Variants in ADAM12 observed in about 807,000 individuals in gnomAD.
ADAM12 encodes disintegrin and metalloproteinase domain-containing protein 12.
Under a neutral mutation model 106.4 loss-of-function variants are expected in ADAM12, and 70 were observed. That is an observed-to-expected ratio of 0.66 (90% CI 0.54 to 0.80). The LOEUF is 0.80. Among genes scored for constraint, ADAM12 ranks in the 30% least tolerant of loss-of-function variants. The pLI, the probability that ADAM12 is intolerant of heterozygous loss-of-function variation, is 0.00. For missense variants in ADAM12, 1,010 were observed against 1,171.9 expected, an observed-to-expected ratio of 0.86 and a Z score of 2.02; for synonymous variants, 420 against 433.5, an observed-to-expected ratio of 0.97 and a Z score of 0.39.
chr10:126,111,969 G>A (rs912157162), intron 6 of ADAM12, among the ~76,000 whole-genome samples: 4 of 152,142 alleles, frequency 2.6e-5, no homozygotes, highest in African/African-American at 9.7e-5. Flanking sequence ...ATTTGAAACT[G>A]GTTGCTGAAG....
chr10:126,199,174 T>A (rs1305076541), intron 3 of ADAM12, among the ~76,000 whole-genome samples: 1 of 152,182 alleles, frequency 6.6e-6, no homozygotes, highest in Non-Finnish European at 1.5e-5. Flanking sequence ...ACCACCTGAA[T>A]GAAGGTTTCG....
intron 2 of ADAM12, among the ~76,000 whole-genome samples, chr10:126,284,690 G>C (rs1959761292): frequency 6.6e-6 from 1 of 152,190 alleles, no homozygotes; most frequent in African/African-American, 2.4e-5. Flanking sequence ...GGATGACTTG[G>C]TTTCCATTCT....
intron 1 of ADAM12, among the ~76,000 whole-genome samples, chr10:126,367,099 C>T (rs1412072283): frequency 3.3e-5 from 5 of 151,990 alleles, no homozygotes; most frequent in Non-Finnish European, 7.4e-5. Flanking sequence ...ATTACCCTAT[C>T]CAACAACAGC....
intron 2 of ADAM12, among the ~76,000 whole-genome samples, chr10:126,290,711 A>G (rs550168092): frequency 1.3e-5 from 2 of 152,324 alleles, no homozygotes; most frequent in African/African-American, 4.8e-5. Context: ...AAATTTTTCA[A>G]AAAGGAATAT....
chr10:126,330,424 G>A lies in ADAM12; in HGVS notation c.174C>T (p.Ser58=). 1 of 1,612,866 alleles carries A rather than the reference G, an allele frequency of 6.2e-7. No individual in the cohort carries two copies. Among genetic ancestry groups the A allele is most frequent in the South Asian group, 1.1e-5 (1 of 90,902 alleles). The part of the protein sequence containing the change: ...GSGDLWIPVK[S]FDSKNHPEVL... ...GAGAGGAACTCACCTTGGAGTCGAA[G>A]CTCTTCACTGGGATCCAGAGGTCCC... The change falls in exon 2 of 23, where the codon AGC becomes AGT. Residue 58 remains serine, a synonymous_variant. Coordinates refer to ENST00000448723, the MANE Select transcript of ADAM12 (RefSeq NM_001288973.2).
chr10:126,312,966 G>T (rs1301397515), intron 2 of ADAM12, among the ~76,000 whole-genome samples: 1 of 152,184 alleles, frequency 6.6e-6, no homozygotes, highest in Non-Finnish European at 1.5e-5. Context: ...TTACTTACTT[G>T]CATAAATTAG....
At chr10:126,144,619 G>C (rs1056683094) in intron 4 of ADAM12, among the ~76,000 whole-genome samples, 3 of 152,164 alleles carry the variant, frequency 2.0e-5, no homozygotes, top group Admixed American at 6.5e-5. Context: ...ATGCACACGG[G>C]GGGGTTAGCA....
rs535494113 is a variant in ADAM12, at chr10:126,281,343, G to T, written c.187-2355C>A. On this transcript the variant is annotated intron_variant, in intron 2 of 22. Transcript: ENST00000448723. ...TGTTTGCCTAAGATATCAATGCACA[G>T]ATCACATACCTTAAATGGAAATCCT... 2.0e-5 allele frequency among the ~76,000 whole-genome samples: 3 copies of T among 152,222 alleles called. No homozygotes were observed. In the South Asian group the frequency reaches 6.2e-4, roughly 32 times the overall value.
rs1475245062 is a variant in ADAM12 at position 126,015,511 on chromosome 10, T to C, written c.*1768A>G. The C allele has an allele frequency of 6.6e-6, 1 of 152,238 alleles. No homozygotes were observed. Among genetic ancestry groups the C allele is most frequent in the Non-Finnish European group, 1.5e-5 (1 of 68,028 alleles). 9.4% of individuals were successfully genotyped at this position (152,238 alleles called of 1,614,324 possible). On this transcript the variant is annotated 3_prime_UTR_variant, in exon 23 of 23. Coordinates refer to ENST00000448723, the MANE Select transcript of ADAM12 (RefSeq NM_001288973.2). ...TTTAAAGAACTTAATAACTATAGAA[T>C]AAACAGATGCATGCTATACGAGTTG...
chr10:126,358,835 T>C (rs768933131), intron 1 of ADAM12, among the ~76,000 whole-genome samples: 1 of 152,144 alleles, frequency 6.6e-6, no homozygotes, highest in Non-Finnish European at 1.5e-5. Context: ...ATCAGTAGCA[T>C]TTCTATATAC....
chr10:126,109,188 C>G (rs1414405248), intron 7 of ADAM12, among the ~76,000 whole-genome samples: 1 of 152,202 alleles, frequency 6.6e-6, no homozygotes, highest in African/African-American at 2.4e-5. Context: ...AAGCCTGTTT[C>G]ATTCATAGGT....
intron 2 of ADAM12, among the ~76,000 whole-genome samples, chr10:126,297,434 G>A (rs962094851): frequency 2.6e-5 from 4 of 152,008 alleles, no homozygotes; most frequent in Non-Finnish European, 4.4e-5. Context: ...CTATAGTCTC[G>A]GCTACTCAGG....
chr10:126,032,866 T>C (rs1449478709), intron 21 of ADAM12, among the ~76,000 whole-genome samples: 1 of 152,126 alleles, frequency 6.6e-6, no homozygotes, highest in Non-Finnish European at 1.5e-5. Flanking sequence ...GAAGAAATTA[T>C]ATATGGACTT....
intron 3 of ADAM12, among the ~76,000 whole-genome samples, chr10:126,211,459 ATCCTGGACCTGCCAGTAGCCATCTCTGCC>A (rs959362489): frequency 1.3e-5 from 2 of 152,168 alleles, no homozygotes; most frequent in Non-Finnish European, 2.9e-5. Context: ...GAACCATGGG[ATCCTGGACCTGCCAGTAGCCATCTCTGCC>A]TCCTGGACCA....
intron 11 of ADAM12, among the ~76,000 whole-genome samples, chr10:126,076,823 T>C (rs1217940402): frequency 6.6e-6 from 1 of 152,194 alleles, no homozygotes; most frequent in Non-Finnish European, 1.5e-5. Context: ...GGTAATTTCT[T>C]TGGCTGTGCA....
At chr10:126,320,610 C>T (rs1854062108) in intron 2 of ADAM12, among the ~76,000 whole-genome samples, 2 of 152,302 alleles carry the variant, frequency 1.3e-5, no homozygotes, top group Non-Finnish European at 2.9e-5. Flanking sequence ...ACAGTAAACA[C>T]GTAGATGAAG....
chr10:126,285,165 C>T (rs1219285077), intron 2 of ADAM12, among the ~76,000 whole-genome samples: 3 of 152,160 alleles, frequency 2.0e-5, no homozygotes, highest in Non-Finnish European at 2.9e-5. Flanking sequence ...GAGGAAAGGA[C>T]CACTTCCTAT....
At chr10:126,241,021 A>T (rs1554993179) in intron 3 of ADAM12, among the ~76,000 whole-genome samples, 1 of 152,218 alleles carries the variant, frequency 6.6e-6, no homozygotes, top group Non-Finnish European at 1.5e-5. Flanking sequence ...GTCTTAATGG[A>T]ATGTGTTCCA....
chr10:126,366,612 A>G (rs1018723163), intron 1 of ADAM12, among the ~76,000 whole-genome samples: 3 of 152,104 alleles, frequency 2.0e-5, no homozygotes, highest in Non-Finnish European at 4.4e-5. Context: ...AAATATTTCA[A>G]TTAAAAGGTA....
Sources: allele counts gnomAD v4.1 joint callset (sites outside exome capture counted in the v4.1 genomes callset), GRCh38; gene constraint gnomAD v4.1.1; transcripts MANE v1.5; gene names NCBI Gene and HGNC (gene_info 2026-07-23, HGNC 2026-07-21).